CHRM3: variants seen among roughly 807,000 people sequenced by gnomAD.
CHRM3 encodes the protein cholinergic receptor muscarinic 3.
In CHRM3, 11 loss-of-function variants were observed where a neutral mutation model predicts 41.8. The ratio of observed to expected loss-of-function variants is 0.26; its 90% confidence interval spans 0.17 to 0.44. The LOEUF is 0.44. Among genes scored for constraint, CHRM3 ranks in the 20% least tolerant of loss-of-function variants. The probability of loss-of-function intolerance (pLI) is 1.00; values close to 1 mark genes in which losing one functional copy is unlikely to be tolerated. For synonymous variants in CHRM3, 297 were observed against 301.4 expected, an observed-to-expected ratio of 0.99 and a Z score of 0.15; for missense variants, 571 against 745.4, an observed-to-expected ratio of 0.77 and a Z score of 2.72.
chr1:239,408,543 A>AAAAAC (rs1190051472), intron 1 of CHRM3, among the ~76,000 whole-genome samples: 12 of 151,380 alleles, frequency 7.9e-5, no homozygotes, highest in African/African-American at 2.9e-4. Context: ...AAAAAAAAAA[A>AAAAAC]ACTCTCTCCT....
chr1:239,684,776 G>A (rs989933428), intron 5 of CHRM3, among the ~76,000 whole-genome samples: 3 of 61,106 alleles, frequency 4.9e-5, no homozygotes, highest in Admixed American at 1.8e-4. Flanking sequence ...GAAAGAGAAA[G>A]AGAAAGAAAA....
At chr1:239,566,312 T>A (rs1661359793) in intron 3 of CHRM3, among the ~76,000 whole-genome samples, 1 of 152,192 alleles carries the variant, frequency 6.6e-6, no homozygotes, top group Non-Finnish European at 1.5e-5. Context: ...GTATCTGTTA[T>A]TACGTTAACC....
chr1:239,741,119 A>G (rs1220040205), intron 5 of CHRM3, among the ~76,000 whole-genome samples: 1 of 152,216 alleles, frequency 6.6e-6, no homozygotes, highest in Non-Finnish European at 1.5e-5. Flanking sequence ...TAACAGGAGA[A>G]AAGCATATGT....
At chr1:239,415,654 C>T (rs1319158979) in intron 1 of CHRM3, among the ~76,000 whole-genome samples, 1 of 152,020 alleles carries the variant, frequency 6.6e-6, no homozygotes, top group East Asian at 1.9e-4. Context: ...TGCTGTGGCT[C>T]AACCAAGATA....
rs902719142 is a variant in CHRM3, at chr1:239,386,853, G to T, written c.-895G>T. 2.8e-4 allele frequency: 42 copies of T among 152,038 alleles called. No homozygotes were observed. The highest frequency in any genetic ancestry group is 1.0e-3 in the African/African-American group (42 of 41,424). The allele number at this position is 152,038 out of a possible 1,614,324, so 9.4% of individuals were successfully genotyped here. On this transcript the variant is annotated 5_prime_UTR_variant, in exon 1 of 7. Coordinates refer to ENST00000676153, the MANE Select transcript of CHRM3 (RefSeq NM_001375978.1). Reference sequence around the variant, plus strand: ...AGCGTGCAGGGGAGCACAGGGCGCGGGGGCGGCACTGCCGAGCCGGGAGCG... The same window carrying T: ...AGCGTGCAGGGGAGCACAGGGCGCGTGGGCGGCACTGCCGAGCCGGGAGCG...
chr1:239,761,894 T>C (rs1339832882), intron 5 of CHRM3, among the ~76,000 whole-genome samples: 2 of 152,194 alleles, frequency 1.3e-5, no homozygotes, highest in East Asian at 3.9e-4. Context: ...CCCCTTAGCC[T>C]CCTGGAATTC....
intron 2 of CHRM3, among the ~76,000 whole-genome samples, chr1:239,502,361 C>G (rs1668294827): frequency 6.6e-6 from 1 of 152,068 alleles, no homozygotes; most frequent in Non-Finnish European, 1.5e-5. Context: ...TGGAAAAATA[C>G]AGCCCTCCTA....
chr1:239,502,147 G>C (rs1281430834), intron 2 of CHRM3, among the ~76,000 whole-genome samples: 2 of 152,062 alleles, frequency 1.3e-5, no homozygotes, highest in Non-Finnish European at 2.9e-5. Context: ...ACAAAATGCT[G>C]ATTCTTTGAA....
At position 239,810,225 on chromosome 1, in the gene CHRM3, C is replaced by A. The variant is rs1328575941; in HGVS notation, c.-146-17027C>A. 2.6e-5 allele frequency among the ~76,000 whole-genome samples: 4 copies of A among 152,098 alleles called. 1 individual carries two copies. The East Asian group carries it at 7.7e-4, about 29-fold the overall frequency. ...ATGAAATGCCAGCTGTGAGGTAATCCTCACCAAAAAGGGATCCTTGCTGCT... is the reference window on the plus strand; with the variant it reads ...ATGAAATGCCAGCTGTGAGGTAATCATCACCAAAAAGGGATCCTTGCTGCT... On this transcript the variant is annotated intron_variant, in intron 5 of 6. Coordinates refer to ENST00000676153, the MANE Select transcript of CHRM3 (RefSeq NM_001375978.1).
intron 6 of CHRM3, among the ~76,000 whole-genome samples, chr1:239,853,763 C>G (rs888055167): frequency 2.6e-5 from 4 of 152,028 alleles, no homozygotes; most frequent in Non-Finnish European, 5.9e-5. Flanking sequence ...CAATATTTCT[C>G]AAATTAGATT....
chr1:239,866,245 C>T (rs372054408), intron 6 of CHRM3, among the ~76,000 whole-genome samples: 38 of 151,938 alleles, frequency 2.5e-4, no homozygotes, highest in Non-Finnish European at 4.7e-4. Context: ...GGCGTGGTGG[C>T]GGGCACCTGT....
At chr1:239,472,120 G>A (rs1395364644) in intron 1 of CHRM3, among the ~76,000 whole-genome samples, 1 of 152,136 alleles carries the variant, frequency 6.6e-6, no homozygotes, top group Non-Finnish European at 1.5e-5. Context: ...ACAAGTGATT[G>A]CAAGCTTATT....
In CHRM3 at chr1:239,428,172, AC is replaced by A. The variant is rs565743780; in HGVS notation, c.-521+40946del. On this transcript the variant is annotated intron_variant, in intron 1 of 6. Coordinates refer to ENST00000676153, the MANE Select transcript of CHRM3 (RefSeq NM_001375978.1). ...TCATTGTCAACTTCAAGCCACCATG[AC>A]ATTATCCAAGGAAGGGAGGCAGTGA... is the stretch of plus-strand genomic sequence containing the variant. Among the ~76,000 whole-genome samples the A allele has an allele frequency of 1.5e-3, 235 of 152,348 alleles. 1 individual carries two copies. Among genetic ancestry groups the A allele is most frequent in the African/African-American group, 5.3e-3 (222 of 41,586 alleles).
chr1:239,483,734 TG>T (rs1167761890), intron 1 of CHRM3, among the ~76,000 whole-genome samples: 14 of 152,174 alleles, frequency 9.2e-5, no homozygotes, highest in Admixed American at 2.6e-4. Flanking sequence ...CAGAAAGTGG[TG>T]TTAATAAAGT....
intron 5 of CHRM3, among the ~76,000 whole-genome samples, chr1:239,815,755 G>A (rs1280495155): frequency 1.3e-5 from 2 of 152,176 alleles, no homozygotes; most frequent in Admixed American, 6.5e-5. Flanking sequence ...GAGGCTGAAG[G>A]CGTTCTCATA....
chr1:239,878,620 A>T (rs1677320522), intron 6 of CHRM3, among the ~76,000 whole-genome samples: 1 of 151,208 alleles, frequency 6.6e-6, no homozygotes, highest in South Asian at 2.1e-4. Context: ...TTTTAATGAA[A>T]TCTCTCTTCT....
At chr1:239,651,148 C>G (rs1672208581) in intron 4 of CHRM3, among the ~76,000 whole-genome samples, 1 of 152,006 alleles carries the variant, frequency 6.6e-6, no homozygotes, top group Non-Finnish European at 1.5e-5. Context: ...AGATCCCTAT[C>G]TTAGAAAAAA....
chr1:239,815,266 C>G (rs1671482045), intron 5 of CHRM3, among the ~76,000 whole-genome samples: 2 of 152,182 alleles, frequency 1.3e-5, no homozygotes, highest in South Asian at 4.1e-4. Context: ...TCTGTACTGT[C>G]AGGACATATC....
chr1:239,505,680 C>T (rs1270142144), intron 2 of CHRM3, among the ~76,000 whole-genome samples: 2 of 152,214 alleles, frequency 1.3e-5, no homozygotes, highest in African/African-American at 2.4e-5. Flanking sequence ...TAGAGTGGGG[C>T]ACTGTTGTAG....
Sources: allele counts gnomAD v4.1 joint callset (sites outside exome capture counted in the v4.1 genomes callset), GRCh38; gene constraint gnomAD v4.1.1; transcripts MANE v1.5; gene names NCBI Gene and HGNC (gene_info 2026-07-23, HGNC 2026-07-21).